PDE1A: variants seen among roughly 807,000 people sequenced by gnomAD.
PDE1A encodes phosphodiesterase 1A.
A neutral mutation model predicts 61.7 loss-of-function variants in PDE1A; 35 were observed. The observed-to-expected ratio is 0.57, with a 90% CI of 0.43 to 0.75. The LOEUF (loss-of-function observed/expected upper bound fraction) is 0.75, where lower values mean the gene tolerates loss of function less well. Ranked by LOEUF, PDE1A falls within the 30% of genes least tolerant of loss-of-function variation. The pLI is 0.00. For synonymous variants in PDE1A, 232 were observed against 213.2 expected, an observed-to-expected ratio of 1.09 and a Z score of -0.77; for missense variants, 597 against 630.6, an observed-to-expected ratio of 0.95 and a Z score of 0.57.
intron 1 of PDE1A, among the ~76,000 whole-genome samples, chr2:182,395,816 C>T (rs1360621459): frequency 6.6e-6 from 1 of 152,194 alleles, no homozygotes; most frequent in East Asian, 1.9e-4. Flanking sequence ...CAAGGCCCTG[C>T]CATCTTCTCC....
At chr2:182,618,796 TTTTATC>T in the PDE1A span, among the ~76,000 whole-genome samples, 1 of 152,136 alleles carries the variant, frequency 6.6e-6, no homozygotes, top group African/African-American at 2.4e-5. Context: ...AGGCAGAGAC[TTTTATC>T]TTTATGTTCC....
At position 182,264,162 on chromosome 2, in the gene PDE1A, T is replaced by C. The variant is rs1692433756; in HGVS notation, c.167+139A>G. 5 of 558,212 alleles carry C rather than the reference T, an allele frequency of 9.0e-6. No homozygotes were observed. The East Asian group carries it at 1.4e-4, about 16-fold the overall frequency. The allele number at this position is 558,212 out of a possible 1,614,324, so 34.6% of individuals were successfully genotyped here. On this transcript the variant is annotated intron_variant, in intron 2 of 13. Transcript: ENST00000351439. Reference sequence around the variant, plus strand: ...TAATTAGCTACATGAAGAAGAACATTTCAAATTTTAATAAGATTTGATTTT... The same window carrying C: ...TAATTAGCTACATGAAGAAGAACATCTCAAATTTTAATAAGATTTGATTTT...
At chr2:182,163,965 C>A (rs1486487014), downstream of PDE1A, among the ~76,000 whole-genome samples, 4 of 152,130 alleles carry the variant, frequency 2.6e-5, no homozygotes, top group Non-Finnish European at 5.9e-5. Flanking sequence ...TGGAATGAGG[C>A]CTGGCATCAT....
At chr2:182,360,530 T>G (rs944266707) in intron 1 of PDE1A, among the ~76,000 whole-genome samples, 6 of 52,522 alleles carry the variant, frequency 1.1e-4, no homozygotes, top group East Asian at 1.2e-3. Flanking sequence ...CAGTTTAGTG[T>G]TTTTTTTTTT....
intron 1 of PDE1A, among the ~76,000 whole-genome samples, chr2:182,380,856 C>A (rs1031064112): frequency 6.6e-6 from 1 of 152,150 alleles, no homozygotes; most frequent in Non-Finnish European, 1.5e-5. Context: ...CTGAATGAAC[C>A]TCAGCTGGGC....
chr2:182,461,186 T>C (rs1046179773), intron 2 of PDE1A, among the ~76,000 whole-genome samples: 3 of 152,108 alleles, frequency 2.0e-5, no homozygotes, highest in African/African-American at 7.2e-5. Context: ...TTCTACAGCA[T>C]AGAACTATAG....
At chr2:182,153,016 C>T (rs1234288377) in intron 13 of PDE1A, among the ~76,000 whole-genome samples, 1 of 152,020 alleles carries the variant, frequency 6.6e-6, no homozygotes, top group African/African-American at 2.4e-5. Flanking sequence ...GAGGAAAATA[C>T]AACAATTTAC....
chr2:182,481,387 C>T (rs1044808058), intron 2 of PDE1A, among the ~76,000 whole-genome samples: 1 of 151,866 alleles, frequency 6.6e-6, no homozygotes, highest in Admixed American at 6.6e-5. Flanking sequence ...TCATATAGAG[C>T]TCACTAGCAT....
At chr2:182,243,789 G>A (rs1330933539) in intron 2 of PDE1A, among the ~76,000 whole-genome samples, 2 of 152,184 alleles carry the variant, frequency 1.3e-5, no homozygotes, top group Non-Finnish European at 2.9e-5. Flanking sequence ...TTCAAAGACC[G>A]TAATTGGTAT....
At chr2:182,431,106 T>C (rs953271131), upstream of PDE1A, among the ~76,000 whole-genome samples, 1 of 55,776 alleles carries the variant, frequency 1.8e-5, no homozygotes, top group African/African-American at 6.2e-5. Context: ...TAGAGTATAA[T>C]AAAAAAAAAA....
chr2:182,549,443 C>T, the PDE1A span, among the ~76,000 whole-genome samples: 1 of 151,930 alleles, frequency 6.6e-6, no homozygotes, highest in African/African-American at 2.4e-5. Flanking sequence ...ATATTATCAG[C>T]AATATAGTAT....
chr2:182,169,946 T>A (rs1395402430), intron 13 of PDE1A, among the ~76,000 whole-genome samples: 1 of 90,900 alleles, frequency 1.1e-5, no homozygotes, highest in Non-Finnish European at 2.4e-5. Flanking sequence ...ACACTCTCCC[T>A]CTCTCTCTTT....
intron 1 of PDE1A, among the ~76,000 whole-genome samples, chr2:182,343,490 T>C (rs945960781): frequency 1.3e-5 from 2 of 152,242 alleles, no homozygotes; most frequent in African/African-American, 2.4e-5. Flanking sequence ...ATTAGTATAA[T>C]ATGTTTCTTC....
chr2:182,347,327 A>G (rs1407909729), intron 1 of PDE1A, among the ~76,000 whole-genome samples: 3 of 152,178 alleles, frequency 2.0e-5, no homozygotes, highest in Non-Finnish European at 4.4e-5. Flanking sequence ...CCTAATTTCA[A>G]CTATGAGTCT....
Position 182,440,111 on chromosome 2 carries a change from T to C in PDE1A, c.101+82165A>G, listed in dbSNP as rs905680550. Among the ~76,000 whole-genome samples the C allele has an allele frequency of 2.6e-5, 4 of 152,224 alleles. No homozygotes were observed. The South Asian group carries it at 6.2e-4, about 24-fold the overall frequency. Reference sequence around the variant, plus strand: ...ATTTAAGCAAACACAGATTATCTCATATATCCTCCTCTTCCTTTCAGGATT... The same window carrying C: ...ATTTAAGCAAACACAGATTATCTCACATATCCTCCTCTTCCTTTCAGGATT... On this transcript the variant is annotated intron_variant, in intron 2 of 14. Transcript: ENST00000410103.
At chr2:182,461,662 A>G (rs1165990901) in intron 2 of PDE1A, among the ~76,000 whole-genome samples, 2 of 152,110 alleles carry the variant, frequency 1.3e-5, no homozygotes, top group Non-Finnish European at 2.9e-5. Context: ...ATAGACCTCA[A>G]CCTGACTTAA....
the PDE1A span, among the ~76,000 whole-genome samples, chr2:182,709,661 T>C: frequency 6.6e-6 from 1 of 152,172 alleles, no homozygotes; most frequent in Non-Finnish European, 1.5e-5. Context: ...CAAATGAAAC[T>C]GAAAAAATGA....
rs140188673 is a variant in PDE1A, at chr2:182,392,173, A to G, written c.53+34405T>C. On this transcript the variant is annotated intron_variant, in intron 1 of 13. Transcript: ENST00000351439. ...ACTGGGCAATTTATAAAGAAAAAAG[A>G]GGTTTAATGGACTCACAGTACCATA... Among the ~76,000 whole-genome samples, 3 of 152,288 alleles carry G rather than the reference A, an allele frequency of 2.0e-5. No homozygotes were observed. In the East Asian group the frequency reaches 5.8e-4, roughly 29 times the overall value.
chr2:182,188,362 A>G (rs963067324), intron 11 of PDE1A, among the ~76,000 whole-genome samples: 7 of 152,186 alleles, frequency 4.6e-5, no homozygotes, highest in Non-Finnish European at 7.4e-5. Context: ...TTTATTGATC[A>G]TATTGTTCAG....
Sources: gnomAD v4.1 joint callset for allele counts (sites outside exome capture counted in the v4.1 genomes callset) on GRCh38, gnomAD v4.1.1 for gene constraint, MANE v1.5 for transcripts, NCBI Gene and HGNC (gene_info 2026-07-23, HGNC 2026-07-21) for gene names.